The following METTL16 variants were observed in gnomAD, a reference collection of about 807,000 sequenced individuals.
The protein encoded by METTL16 is methyltransferase 16, RNA N6-adenosine, also known as RNA N(6)-adenosine-methyltransferase METTL16.
In METTL16, 19 loss-of-function variants were observed where a neutral mutation model predicts 57.9. That is an observed-to-expected ratio of 0.33 (90% CI 0.23 to 0.48). The LOEUF (loss-of-function observed/expected upper bound fraction) is 0.48, where lower values mean the gene tolerates loss of function less well. METTL16 is among the 20% of genes least tolerant of loss of function. METTL16 has a pLI of 0.99. For synonymous variants in METTL16, 246 were observed against 255.6 expected (o/e 0.96, Z 0.36); for missense variants, 434 against 691.5 (o/e 0.63, Z 4.18).
chr17:2,441,718 A>T (rs888515964), intron 6 of METTL16, among the ~76,000 whole-genome samples, 159 bp from the exon 7 acceptor site: 1 of 152,234 alleles, frequency 6.6e-6, no homozygotes, highest in Non-Finnish European at 1.5e-5. Flanking sequence ...ATTTCGACAA[A>T]GACCAAATCT....
chr17:2,434,105 C>T (rs1249298680), intron 8 of METTL16, among the ~76,000 whole-genome samples: 3 of 152,156 alleles, frequency 2.0e-5, no homozygotes, highest in African/African-American at 7.2e-5. Context: ...GAAGAGGGTC[C>T]TAAGCTTTGG....
intron 2 of METTL16, among the ~76,000 whole-genome samples, chr17:2,492,642 A>G (rs1256510260): frequency 6.6e-6 from 1 of 152,114 alleles, no homozygotes; most frequent in East Asian, 1.9e-4. Flanking sequence ...CTGTAATCCC[A>G]GCACTTTGGG....
chr17:2,438,654 A>AC, intron 7 of METTL16, among the ~76,000 whole-genome samples: 1 of 152,132 alleles, frequency 6.6e-6, no homozygotes, highest in Non-Finnish European at 1.5e-5. Context: ...GGCGCATGCC[A>AC]CCACGCCCAG....
intron 2 of METTL16, among the ~76,000 whole-genome samples, chr17:2,481,066 T>C (rs2067302287): frequency 6.6e-6 from 1 of 151,960 alleles, no homozygotes; most frequent in South Asian, 2.1e-4. Flanking sequence ...TAGCCAAGCA[T>C]AGTGGCACAT....
Position 2,420,963 on chromosome 17 carries a change from T to C in METTL16, c.889-59A>G, listed in dbSNP as rs926844675. ...AAGTTATCCGAATAATTAAACCTCATGCATTGTAATGAACTCAGAGAAAAT... is the reference window on the plus strand; with the variant it reads ...AAGTTATCCGAATAATTAAACCTCACGCATTGTAATGAACTCAGAGAAAAT... On this transcript the variant is annotated intron_variant, in intron 8 of 9. Coordinates refer to ENST00000263092, the MANE Select transcript of METTL16 (RefSeq NM_024086.4). The surrounding 1 kb of genome is among the most constrained non-coding windows in gnomAD (Gnocchi z 5.4). 2 of 1,561,200 alleles carry C rather than the reference T, an allele frequency of 1.3e-6. No homozygotes were observed. Among genetic ancestry groups the C allele is most frequent in the Non-Finnish European group, 1.7e-6 (2 of 1,147,310 alleles).
intron 3 of METTL16, among the ~76,000 whole-genome samples, chr17:2,476,949 T>G (rs2067272574): frequency 7.0e-6 from 1 of 142,042 alleles, no homozygotes; most frequent in Non-Finnish European, 1.6e-5. Context: ...AGAGCAAAAT[T>G]CCGTTTCAAA....
intron 2 of METTL16, among the ~76,000 whole-genome samples, chr17:2,490,453 T>A (rs1399808737): frequency 6.6e-6 from 1 of 152,140 alleles, no homozygotes; most frequent in Admixed American, 6.5e-5. Flanking sequence ...AATTCCTACG[T>A]ATGAATAAAG....
chr17:2,463,607 A>T (rs559551725), intron 6 of METTL16, among the ~76,000 whole-genome samples: 1 of 151,790 alleles, frequency 6.6e-6, no homozygotes, highest in African/African-American at 2.4e-5. Flanking sequence ...GACTACAGGC[A>T]CCCACCACCA....
In METTL16 at chr17:2,473,635, G is replaced by C. The variant is rs200884799; in HGVS notation, c.358C>G (p.Leu120Val). 6.2e-7 allele frequency: 1 copy of C among 1,614,100 alleles called. No individual in the cohort carries two copies. The highest frequency in any genetic ancestry group is 1.3e-5 in the African/African-American group (1 of 75,050). The change falls in exon 4 of 10, where the codon CTT becomes GTT. Residue 120 changes from leucine (L) to valine (V), a missense_variant. This residue lies in a region of METTL16 where 118 missense variants were observed against 280.0 expected (regional missense o/e 0.42). Transcript: ENST00000263092. Reference sequence around the variant, plus strand: ...TACCAGCCATTCAAGGTTGCTCCAAGTAAGGGGTAGATGCAAGATGCCCCC... The same window carrying C: ...TACCAGCCATTCAAGGTTGCTCCAACTAAGGGGTAGATGCAAGATGCCCCC... ...GTGASCIYPL[L>V]GATLNGWYFL...
At chr17:2,489,531 T>G (rs1316461133) in intron 2 of METTL16, among the ~76,000 whole-genome samples, 1 of 151,746 alleles carries the variant, frequency 6.6e-6, no homozygotes, top group Non-Finnish European at 1.5e-5. Flanking sequence ...GGCAGGCAAC[T>G]GTAATCGCCA....
chr17:2,491,876 CAAAA>C (rs1171788438), intron 2 of METTL16, among the ~76,000 whole-genome samples: 1 of 53,636 alleles, frequency 1.9e-5, no homozygotes, highest in Non-Finnish European at 3.8e-5. Context: ...CACCGTCTCA[CAAAA>C]AAAAAAAAAA....
chr17:2,489,060 A>G (rs570035861), intron 2 of METTL16, among the ~76,000 whole-genome samples: 13 of 152,200 alleles, frequency 8.5e-5, no homozygotes, highest in Non-Finnish European at 1.3e-4. Flanking sequence ...CCAAAATCCT[A>G]CTGGCAAAAT....
intron 2 of METTL16, among the ~76,000 whole-genome samples, chr17:2,497,163 G>A (rs1401299857): frequency 4.0e-5 from 6 of 151,060 alleles, no homozygotes; most frequent in South Asian, 2.1e-4. Flanking sequence ...GCACCATCAC[G>A]CCTGGCTTAT....
intron 3 of METTL16, among the ~76,000 whole-genome samples, chr17:2,474,753 C>T (rs910470381): frequency 1.3e-5 from 2 of 152,178 alleles, no homozygotes; most frequent in Non-Finnish European, 2.9e-5. Context: ...TGGTGAAACC[C>T]CATCTCTACT....
chr17:2,469,366 A>G (rs2067222301), intron 4 of METTL16, among the ~76,000 whole-genome samples: 1 of 152,240 alleles, frequency 6.6e-6, no homozygotes, highest in African/African-American at 2.4e-5. Flanking sequence ...AGATATGTTC[A>G]ATACTATGAA....
chr17:2,495,173 C>T (rs888344571), intron 2 of METTL16, among the ~76,000 whole-genome samples: 4 of 151,464 alleles, frequency 2.6e-5, no homozygotes, highest in East Asian at 1.9e-4. Flanking sequence ...GAAACAACAA[C>T]GACAAAAAAT....
chr17:2,510,283 A>G (rs2067578421), intron 1 of METTL16, among the ~76,000 whole-genome samples: 1 of 152,140 alleles, frequency 6.6e-6, no homozygotes, highest in South Asian at 2.1e-4. Context: ...AGTATTTTTT[A>G]TATCTATGTA....
At chr17:2,510,107 G>A (rs894895786) in intron 1 of METTL16, among the ~76,000 whole-genome samples, 1 of 151,938 alleles carries the variant, frequency 6.6e-6, no homozygotes, top group Non-Finnish European at 1.5e-5. Context: ...GTTCTTTCTT[G>A]TGATTCTGGC....
At chr17:2,438,085 A>T in intron 8 of METTL16, 24 bp downstream of exon 8, 1 of 1,553,284 alleles carries the variant, frequency 6.4e-7, no homozygotes, top group East Asian at 2.2e-5. Context: ...GCAGGTGGTG[A>T]AGCGGAGCAA....
Sources: gnomAD v4.1 joint callset for allele counts (sites outside exome capture counted in the v4.1 genomes callset) on GRCh38, gnomAD v4.1.1 for gene constraint, gnomAD v4.1.1 regional missense constraint, Gnocchi (gnomAD v3.1) non-coding constraint, MANE v1.5 for transcripts, NCBI Gene and HGNC (gene_info 2026-07-23, HGNC 2026-07-21) for gene names.